Variants in PSD2 observed in about 807,000 individuals in gnomAD.
PSD2 encodes the protein PH and SEC7 domain-containing protein 2.
A neutral mutation model predicts 69.8 loss-of-function variants in PSD2; 38 were observed. The ratio of observed to expected loss-of-function variants is 0.54; its 90% CI spans 0.42 to 0.71. The LOEUF (loss-of-function observed/expected upper bound fraction) is 0.71, where lower values mean the gene tolerates loss of function less well. Ranked by LOEUF, PSD2 falls within the 30% of genes least tolerant of loss-of-function variation. The pLI, the probability that PSD2 is intolerant of heterozygous loss-of-function variation, is 0.00. For missense variants in PSD2, 943 were observed against 1,014.5 expected (o/e 0.93, Z 0.96); for synonymous variants, 412 against 423.0 (o/e 0.97, Z 0.32).
At position 139,840,093 on chromosome 5, in the gene PSD2, T is replaced by C; in HGVS notation, c.2035T>C (p.Cys679Arg). 6.2e-7 allele frequency: 1 copy of C among 1,614,134 alleles called. No individual in the cohort carries two copies. The highest frequency in any genetic ancestry group is 8.5e-7 in the Non-Finnish European group (1 of 1,180,028). The change falls in exon 14 of 15, where the codon TGT (cysteine) becomes CGT (arginine). Residue 679 changes from cysteine (C) to arginine (R), a missense_variant. By Grantham distance (180) the Cys-to-Arg change is radical. This residue lies in a region of PSD2 where 165 missense variants were observed against 168.8 expected (regional missense o/e 0.98). Transcript: ENST00000274710. ...QLTAELAEHRCHPVERGIKSK... is the reference protein window; with the variant it reads ...QLTAELAEHRRHPVERGIKSK... ...GACTGCGGAGCTGGCCGAACACAGG[T>C]GTCACCCAGTCGAGAGGGGCATCAA... is the stretch of plus-strand genomic sequence containing the variant.
At chr5:139,831,368 T>C (rs2126961253) in intron 7 of PSD2, among the ~76,000 whole-genome samples, 1 of 152,358 alleles carries the variant, frequency 6.6e-6, no homozygotes, top group East Asian at 1.9e-4. Context: ...AATTTGGTAA[T>C]AATGTTAATT....
chr5:139,827,823 G>A (rs1370752613), intron 7 of PSD2, among the ~76,000 whole-genome samples: 1 of 152,162 alleles, frequency 6.6e-6, no homozygotes, highest in East Asian at 1.9e-4. Flanking sequence ...ACAGCGTGGG[G>A]GAACCACCCC....
chr5:139,744,783 C>T, the PSD2 span: 1 of 152,280 alleles, frequency 6.6e-6, no homozygotes, highest in Non-Finnish European at 1.5e-5. Context: ...AACCGTGGGA[C>T]TTGGCAATCT....
At chr5:139,827,243 G>A (rs1760448455) in intron 7 of PSD2, among the ~76,000 whole-genome samples, 1 of 152,244 alleles carries the variant, frequency 6.6e-6, no homozygotes, top group Admixed American at 6.5e-5. Flanking sequence ...TGAGGCTTAA[G>A]GGAAAGGAAA....
the PSD2 span, among the ~76,000 whole-genome samples, chr5:139,745,941 CT>C: frequency 2.6e-5 from 4 of 152,204 alleles, no homozygotes; most frequent in Non-Finnish European, 4.4e-5. Context: ...GAATCAGCCC[CT>C]CTCTTGCTAT....
At chr5:139,749,708 T>G in the PSD2 span, among the ~76,000 whole-genome samples, 3 of 152,086 alleles carry the variant, frequency 2.0e-5, no homozygotes, top group Admixed American at 6.6e-5. Flanking sequence ...CACAATTACC[T>G]CAACTGGCTG....
intron 1 of PSD2, among the ~76,000 whole-genome samples, chr5:139,804,893 G>A (rs1759760448): frequency 6.6e-6 from 1 of 151,650 alleles, no homozygotes; most frequent in African/African-American, 2.4e-5. Flanking sequence ...GTGTGCATGT[G>A]TGTGTGCGTG....
chr5:139,782,192 T>C, the PSD2 span, among the ~76,000 whole-genome samples: 10 of 152,162 alleles, frequency 6.6e-5, no homozygotes, highest in African/African-American at 2.4e-4. Context: ...TGTTTATTTG[T>C]TTGTCTGTGA....
chr5:139,828,053 A>T (rs78563288), intron 7 of PSD2, among the ~76,000 whole-genome samples: 1,978 of 152,172 alleles, frequency 0.013, 19 homozygotes, highest in South Asian at 0.021. Flanking sequence ...GCTGGTGATG[A>T]TGGGTGATGA....
chr5:139,824,845 G>A (rs756213057), intron 7 of PSD2, among the ~76,000 whole-genome samples: 6 of 151,964 alleles, frequency 3.9e-5, no homozygotes, highest in Non-Finnish European at 5.9e-5. Flanking sequence ...CCCCTCCCAC[G>A]TCACTCATCA....
chr5:139,756,215 G>C, the PSD2 span, among the ~76,000 whole-genome samples: 1 of 152,080 alleles, frequency 6.6e-6, no homozygotes, highest in Non-Finnish European at 1.5e-5. Context: ...ACAACGGCTC[G>C]GACTGCCGCT....
chr5:139,782,275 C>T, the PSD2 span, among the ~76,000 whole-genome samples: 1 of 152,216 alleles, frequency 6.6e-6, no homozygotes, highest in Non-Finnish European at 1.5e-5. Context: ...CCTCCGCCTC[C>T]TGGGTTCAAG....
the PSD2 span, among the ~76,000 whole-genome samples, chr5:139,788,266 C>T: frequency 6.6e-6 from 1 of 152,098 alleles, no homozygotes; most frequent in African/African-American, 2.4e-5. Flanking sequence ...GGCCGCTCCT[C>T]CCTGGGCAGG....
chr5:139,778,945 C>G, the PSD2 span, among the ~76,000 whole-genome samples: 2 of 99,904 alleles, frequency 2.0e-5, no homozygotes, highest in Non-Finnish European at 4.2e-5. Flanking sequence ...AGAAAAAAAA[C>G]AAAAAAAAAA....
At chr5:139,824,965 T>G (rs188053165) in intron 7 of PSD2, among the ~76,000 whole-genome samples, 3 of 152,276 alleles carry the variant, frequency 2.0e-5, no homozygotes, top group African/African-American at 7.2e-5. Flanking sequence ...GCTATCGGGC[T>G]ATAGGCATGC....
At chr5:139,767,373 G>C in the PSD2 span, among the ~76,000 whole-genome samples, 1 of 152,042 alleles carries the variant, frequency 6.6e-6, no homozygotes, top group Non-Finnish European at 1.5e-5. Context: ...GGAGTGCAAT[G>C]TCACGATCTC....
chr5:139,824,210 C>T (rs1247469451), intron 7 of PSD2, among the ~76,000 whole-genome samples: 5 of 152,250 alleles, frequency 3.3e-5, no homozygotes, highest in East Asian at 3.9e-4. Flanking sequence ...CTAAGGAGGG[C>T]GGCAGCCACT....
At chr5:139,795,250 T>C (rs1362640005), upstream of PSD2, among the ~76,000 whole-genome samples, 2 of 152,024 alleles carry the variant, frequency 1.3e-5, no homozygotes, top group Non-Finnish European at 2.9e-5. The surrounding 1 kb of genome is among the most constrained non-coding windows in gnomAD (Gnocchi z 4.5). Flanking sequence ...TGACTCTAGG[T>C]CTCAGGGGCT....
intron 1 of PSD2, among the ~76,000 whole-genome samples, chr5:139,799,061 A>G (rs928034114): frequency 1.3e-5 from 2 of 152,078 alleles, no homozygotes; most frequent in Non-Finnish European, 2.9e-5. Flanking sequence ...ATTAGAGTCA[A>G]GTTAACCATT....
Sources: allele counts gnomAD v4.1 joint callset (sites outside exome capture counted in the v4.1 genomes callset), GRCh38; gene constraint gnomAD v4.1.1; regional missense constraint gnomAD v4.1.1; non-coding constraint Gnocchi (gnomAD v3.1); transcripts MANE v1.5; gene names NCBI Gene and HGNC (gene_info 2026-07-23, HGNC 2026-07-21).